The following CCDC82 variants were observed in gnomAD, a reference collection of about 807,000 sequenced individuals.
CCDC82 encodes the protein coiled-coil domain-containing protein 82.
In CCDC82, 47 loss-of-function variants were observed where a neutral mutation model predicts 60.6. That is an observed-to-expected ratio of 0.77 (90% CI 0.61 to 0.99). The LOEUF is 0.99. Among genes scored for constraint, CCDC82 ranks in the 50% least tolerant of loss-of-function variants. CCDC82 has a pLI of 0.00. For synonymous variants in CCDC82, 212 were observed against 207.4 expected (o/e 1.02, Z -0.19); for missense variants, 588 against 633.0 (o/e 0.93, Z 0.76).
At position 96,384,483 on chromosome 11, in the gene CCDC82, TA is replaced by T. The variant is rs1408465888; in HGVS notation, c.264del (p.Ser88ArgfsTer43). 2.5e-6 allele frequency: 4 copies of T among 1,613,760 alleles called. No individual in the cohort carries two copies. In the African/African-American group the frequency reaches 4.0e-5, roughly 16 times the overall value. On this transcript the variant is annotated frameshift_variant, in exon 4 of 10. Coordinates refer to ENST00000646818, the MANE Select transcript of CCDC82 (RefSeq NM_024725.4). LOFTEE classifies it high-confidence loss of function. ...TPGSERELNL[S>X]KIQSEGNDSK... ...CTGTCATTTCCTTCACTTTGAATTT[TA>T]CTTAAGTTGAGCTCTCTTTCACTTC...
rs989597966 is a variant in CCDC82 at position 96,358,768 on chromosome 11, T to C, written c.1566+225A>G. The C allele has an allele frequency of 9.1e-6, 8 of 875,280 alleles. No individual in the cohort carries two copies. In the African/African-American group the frequency reaches 1.2e-4, roughly 14 times the overall value. The allele number at this position is 875,280 out of a possible 1,614,324, so 54.2% of individuals were successfully genotyped here. ...TTCAATAAAGGACAGTGTTAATGCT[T>C]ATTAAAATTTATCTGATGGGCTGAG... On this transcript the variant is annotated intron_variant, in intron 9 of 9. Coordinates refer to ENST00000646818, the MANE Select transcript of CCDC82 (RefSeq NM_024725.4).
intron 9 of CCDC82, chr11:96,357,912 A>C (rs1864429683): frequency 1.0e-6 from 1 of 985,312 alleles, no homozygotes. Context: ...GAATAAAATG[A>C]GAGAAAGACT....
intron 8 of CCDC82, chr11:96,363,916 C>G (rs990495040): frequency 6.6e-6 from 1 of 152,034 alleles, no homozygotes; most frequent in Non-Finnish European, 1.5e-5. Flanking sequence ...ACGTGACTGG[C>G]AATATTGATG....
At chr11:96,385,468 T>A (rs911109147) in intron 3 of CCDC82, 1 of 152,206 alleles carries the variant, frequency 6.6e-6, no homozygotes, top group African/African-American at 2.4e-5. Context: ...AAAAGATCAA[T>A]TTACACGAAG....
intron 7 of CCDC82, among the ~76,000 whole-genome samples, chr11:96,368,403 C>T (rs900687608): frequency 6.6e-6 from 1 of 152,068 alleles, no homozygotes; most frequent in Non-Finnish European, 1.5e-5. Context: ...ATTTATAGAG[C>T]ACAAACAGAG....
intron 7 of CCDC82, among the ~76,000 whole-genome samples, chr11:96,369,902 C>T (rs1462272042): frequency 6.6e-6 from 1 of 152,176 alleles, no homozygotes; most frequent in Admixed American, 6.5e-5. Flanking sequence ...ATGCCATGTT[C>T]TAAAAGCTGT....
intron 1 of CCDC82, chr11:96,389,160 A>G (rs1237117350): frequency 6.6e-6 from 1 of 152,230 alleles, no homozygotes; most frequent in Non-Finnish European, 1.5e-5. Flanking sequence ...AAAGAGAGGA[A>G]AGCCTATTTC....
intron 9 of CCDC82, chr11:96,357,373 T>C (rs996908761): frequency 4.2e-5 from 41 of 985,086 alleles, no homozygotes; most frequent in Non-Finnish European, 4.8e-5. Context: ...TTGAAATACC[T>C]TCAATGCCTA....
chr11:96,358,219 A>T (rs1864445627), intron 9 of CCDC82: 1 of 1,021,930 alleles, frequency 9.8e-7, no homozygotes, highest in Non-Finnish European at 1.2e-6. Context: ...AGTTGCCTGA[A>T]AATCTACTAT....
chr11:96,363,507 T>A (rs1045902288), intron 8 of CCDC82: 2 of 152,212 alleles, frequency 1.3e-5, no homozygotes, highest in Non-Finnish European at 2.9e-5. Flanking sequence ...CACATTTTTA[T>A]ATAGATGCCT....
At chr11:96,372,711 CAT>C (rs963597017) in intron 6 of CCDC82, among the ~76,000 whole-genome samples, 11 of 140,172 alleles carry the variant, frequency 7.8e-5, no homozygotes, top group African/African-American at 2.6e-4. Flanking sequence ...TATATATATA[CAT>C]ATATATTTAT....
chr11:96,364,882 G>A lies in CCDC82; in HGVS notation c.1380+98C>T, dbSNP rs144657646. On this transcript the variant is annotated intron_variant, in intron 8 of 9. Coordinates refer to ENST00000646818, the MANE Select transcript of CCDC82 (RefSeq NM_024725.4). ...ATTTGGTGGATTATATGCTAAAAAT[G>A]TTTCCACTTGGGTCAAATTTTCCTT... is the stretch of plus-strand genomic sequence containing the variant. 47 of 1,110,286 alleles carry A rather than the reference G, an allele frequency of 4.2e-5. No individual in the cohort carries two copies. The East Asian group carries it at 1.1e-3, about 27-fold the overall frequency. The allele number at this position is 1,110,286 out of a possible 1,614,324, so 68.8% of individuals were successfully genotyped here.
chr11:96,388,331 A>G (rs1866320687), intron 1 of CCDC82: 1 of 152,232 alleles, frequency 6.6e-6, no homozygotes, highest in South Asian at 2.1e-4. Flanking sequence ...TTGAATATAC[A>G]CTTAATTTCC....
At chr11:96,356,401 GTAA>G in intron 9 of CCDC82, 1 of 976,616 alleles carries the variant, frequency 1.0e-6, no homozygotes, top group Non-Finnish European at 1.2e-6. Context: ...ACTGTCACTT[GTAA>G]CAGTTTTACA....
intron 5 of CCDC82, chr11:96,380,538 G>A (rs1397778055): frequency 6.6e-6 from 1 of 151,760 alleles, no homozygotes; most frequent in Non-Finnish European, 1.5e-5. Context: ...GCACATGAAT[G>A]TTTATAGCAG....
At chr11:96,385,820 CAT>C (rs1264360367) in intron 3 of CCDC82, 4 of 152,168 alleles carry the variant, frequency 2.6e-5, no homozygotes, top group East Asian at 3.9e-4. Context: ...GAAAAAATAA[CAT>C]ATGTAGTTCT....
At chr11:96,364,107 T>C (rs1864819175) in intron 8 of CCDC82, 1 of 152,182 alleles carries the variant, frequency 6.6e-6, no homozygotes, top group African/African-American at 2.4e-5. Flanking sequence ...AGCAATGTAT[T>C]TGATATACAT....
intron 7 of CCDC82, among the ~76,000 whole-genome samples, chr11:96,370,140 T>C (rs1025914955): frequency 6.6e-6 from 1 of 152,232 alleles, no homozygotes; most frequent in Non-Finnish European, 1.5e-5. Flanking sequence ...TTTATCACCA[T>C]ATAATTCAAC....
Position 96,384,646 on chromosome 11 carries a change from G to A in CCDC82, c.102C>T (p.Ile34=), listed in dbSNP as rs1866086740. 1 of 1,613,414 alleles carries A rather than the reference G, an allele frequency of 6.2e-7. No homozygotes were observed. The highest frequency in any genetic ancestry group is 8.5e-7 in the Non-Finnish European group (1 of 1,179,610). Residue 34 remains isoleucine (I), a synonymous_variant, in exon 4 of 10, where the codon ATC becomes ATT. Transcript: ENST00000646818. ...CTTCATCACTATCAAGTAATTGTGAGATACTACTTCTTTTAGTTCGCCTCC... is the reference window on the plus strand; with the variant it reads ...CTTCATCACTATCAAGTAATTGTGAAATACTACTTCTTTTAGTTCGCCTCC... ...VDWRRTKRSS[I]SQLLDSDEEL...
Sources: gnomAD v4.1 joint callset for allele counts (sites outside exome capture counted in the v4.1 genomes callset) on GRCh38, gnomAD v4.1.1 for gene constraint, MANE v1.5 for transcripts, NCBI Gene and HGNC (gene_info 2026-07-23, HGNC 2026-07-21) for gene names.